Variants in TNKS2 observed in about 807,000 individuals in gnomAD.
The protein encoded by TNKS2 is poly [ADP-ribose] polymerase tankyrase-2.
A neutral mutation model predicts 137.6 loss-of-function variants in TNKS2; 72 were observed. The observed-to-expected ratio is 0.52, with a 90% CI of 0.43 to 0.64. TNKS2 has a LOEUF of 0.64. TNKS2 is among the 30% of genes least tolerant of loss of function. The pLI is 0.00. For synonymous variants in TNKS2, 516 were observed against 512.1 expected (o/e 1.01, Z -0.10); for missense variants, 1,049 against 1,410.2 (o/e 0.74, Z 4.10).
chr10:91,853,970 T>C (rs1385480771), intron 21 of TNKS2, among the ~76,000 whole-genome samples: 1 of 152,218 alleles, frequency 6.6e-6, no homozygotes, highest in African/African-American at 2.4e-5. Flanking sequence ...CCAAAGGAAT[T>C]AGAAAATTCT....
chr10:91,819,864 T>G lies in TNKS2; in HGVS notation c.634-75T>G, dbSNP rs767585818. On this transcript the variant is annotated intron_variant, in intron 5 of 26. Transcript: ENST00000371627. ...ATAATTGGATTTTCTGGTTTTATAT[T>G]TGGGTTTTTTCCCTCTCACACATTT... 1.9e-4 allele frequency: 231 copies of G among 1,203,028 alleles called. 1 individual carries two copies. In the South Asian group the frequency reaches 2.4e-3, roughly 12 times the overall value. The allele number at this position is 1,203,028 out of a possible 1,614,324, so 74.5% of individuals were successfully genotyped here. A position where few individuals can be genotyped will look rare whatever the true frequency, so the allele number is the denominator to read the frequency against.
chr10:91,837,741 TC>T (rs1198232629), intron 13 of TNKS2, among the ~76,000 whole-genome samples: 1 of 152,208 alleles, frequency 6.6e-6, no homozygotes, highest in African/African-American at 2.4e-5. Flanking sequence ...GCACCTGTAA[TC>T]CCAGGTACTT....
intron 11 of TNKS2, among the ~76,000 whole-genome samples, chr10:91,831,935 A>G (rs1160660618): frequency 1.3e-5 from 2 of 152,218 alleles, no homozygotes; most frequent in African/African-American, 2.4e-5. Flanking sequence ...TGTGCTGTAG[A>G]TGAAGGGAGA....
At chr10:91,803,267 C>G (rs992100750) in intron 1 of TNKS2, among the ~76,000 whole-genome samples, 7 of 152,178 alleles carry the variant, frequency 4.6e-5, no homozygotes, top group African/African-American at 1.4e-4. Flanking sequence ...AATCCCAGCA[C>G]TCTGGGAGGC....
chr10:91,848,526 C>G lies in TNKS2; in HGVS notation c.2502C>G (p.Ser834Arg). The G allele has an allele frequency of 6.2e-7, 1 of 1,614,138 alleles. No homozygotes were observed. The highest frequency in any genetic ancestry group is 8.5e-7 in the Non-Finnish European group (1 of 1,180,034). ...ALSSGPSSPSSLSAASSLDNL... is the reference protein window; with the variant it reads ...ALSSGPSSPSRLSAASSLDNL... ...CTTCAGGTCCATCTAGCCCATCAAG[C>G]CTTTCTGCAGCCAGCAGTCTTGACA... Residue 834 changes from serine to arginine, a missense_variant, in exon 19 of 27, where the codon AGC becomes AGG. Physicochemically the swap from Ser to Arg is moderately radical, Grantham distance 110. This residue lies in a region of TNKS2 where 208 missense variants were observed against 231.2 expected (regional missense o/e 0.90). Coordinates refer to ENST00000371627, the MANE Select transcript of TNKS2 (RefSeq NM_025235.4).
intron 7 of TNKS2, 124 bp downstream of exon 7, chr10:91,822,486 T>C: frequency 1.4e-6 from 1 of 712,218 alleles, no homozygotes; most frequent in East Asian, 2.7e-5. Context: ...TAGAAGTATT[T>C]ATAAGCATTA....
intron 12 of TNKS2, among the ~76,000 whole-genome samples, chr10:91,835,154 A>G (rs1841959514): frequency 6.6e-6 from 1 of 152,016 alleles, no homozygotes; most frequent in Admixed American, 6.6e-5. Context: ...TAAAAGTCTC[A>G]TCAGTGTAGC....
At position 91,820,075 on chromosome 10, in the gene TNKS2, C is replaced by T. The variant is rs373316295; in HGVS notation, c.728+42C>T. On this transcript the variant is annotated intron_variant, in intron 6 of 26. Coordinates refer to ENST00000371627, the MANE Select transcript of TNKS2 (RefSeq NM_025235.4). ...AAACAAGGACTTTTTAAATGTTACCCTCTTCTTAAAACAATCTTTGTAACC... is the reference window on the plus strand; with the variant it reads ...AAACAAGGACTTTTTAAATGTTACCTTCTTCTTAAAACAATCTTTGTAACC... 1.8e-3 allele frequency: 2,325 copies of T among 1,285,222 alleles called. 8 individuals are homozygous for T. The highest frequency in any genetic ancestry group is 2.2e-3 in the Non-Finnish European group (2,089 of 928,960). 79.6% of individuals were successfully genotyped at this position (1,285,222 alleles called of 1,614,324 possible). A position where few individuals can be genotyped will look rare whatever the true frequency, so the allele number is the denominator to read the frequency against.
At chr10:91,851,009 A>G (rs1450529233) in intron 20 of TNKS2, among the ~76,000 whole-genome samples, 1 of 152,344 alleles carries the variant, frequency 6.6e-6, no homozygotes, top group East Asian at 1.9e-4. Context: ...ATAAAATAGA[A>G]TACCTGAATG....
At position 91,857,538 on chromosome 10, in the gene TNKS2, T is replaced by A; in HGVS notation, c.3094+8T>A. 2 of 1,592,904 alleles carry A rather than the reference T, an allele frequency of 1.3e-6. No homozygotes were observed. The highest frequency in any genetic ancestry group is 1.1e-5 in the South Asian group (1 of 89,854). ...AACGAATGCTATTTCATGGTAAGAT[T>A]CCTCCCCACCAACTCTACCACTGTC... On this transcript the variant is annotated splice_region_variant and intron_variant, in intron 24 of 26. Coordinates refer to ENST00000371627, the MANE Select transcript of TNKS2 (RefSeq NM_025235.4).
At position 91,822,334 on chromosome 10, in the gene TNKS2, AT is replaced by A. The variant is rs1333439565; in HGVS notation, c.769del (p.Tyr257MetfsTer3). On this transcript the variant is annotated frameshift_variant, in exon 7 of 27. Transcript: ENST00000371627. LOFTEE classifies it high-confidence loss of function. Reference sequence around the variant, plus strand: ...TTACACAATGCCTGTTCTTATGGTCATTATGAAGTAACTGAACTTTTGGTCA... The same window carrying A: ...TTACACAATGCCTGTTCTTATGGTCATATGAAGTAACTGAACTTTTGGTCA... ...VPLHNACSYG[H>X]YEVTELLVKH... The A allele has an allele frequency of 2.5e-6, 4 of 1,613,548 alleles. No individual in the cohort carries two copies. Among genetic ancestry groups the A allele is most frequent in the Non-Finnish European group, 3.4e-6 (4 of 1,179,740 alleles).
intron 1 of TNKS2, among the ~76,000 whole-genome samples, chr10:91,808,842 T>C (rs558855346): frequency 4.6e-5 from 7 of 152,062 alleles, no homozygotes; most frequent in Non-Finnish European, 8.8e-5. Context: ...AGAAATTAGG[T>C]AGAGGAAGCA....
chr10:91,845,081 C>CAGT, intron 17 of TNKS2, 53 bp downstream of exon 17: 1 of 1,110,374 alleles, frequency 9.0e-7, no homozygotes, highest in South Asian at 1.3e-5. Flanking sequence ...AAGTGAAAGT[C>CAGT]AGTATTGCAG....
At chr10:91,819,057 C>CT (rs901236615) in intron 3 of TNKS2, among the ~76,000 whole-genome samples, 5 of 150,952 alleles carry the variant, frequency 3.3e-5, no homozygotes, top group Admixed American at 2.6e-4. Context: ...AAAATAGAAT[C>CT]TTTTTTTTTA....
At chr10:91,819,217 C>G in intron 3 of TNKS2, 53 bp from the exon 4 acceptor site, 7 of 1,103,754 alleles carry the variant, frequency 6.3e-6, no homozygotes. Flanking sequence ...TTGCATAAAA[C>G]TCATTAATTT....
At chr10:91,859,970 ACT>A (rs1477329936) in intron 25 of TNKS2, among the ~76,000 whole-genome samples, 1 of 152,032 alleles carries the variant, frequency 6.6e-6, no homozygotes, top group African/African-American at 2.4e-5. Context: ...GACTCTGTGG[ACT>A]CTAAAAATCT....
intron 24 of TNKS2, among the ~76,000 whole-genome samples, chr10:91,859,015 A>T (rs570757995): frequency 2.0e-5 from 3 of 152,244 alleles, no homozygotes; most frequent in Admixed American, 6.5e-5. Context: ...TCTCAAAAAA[A>T]TTTAAAAAAA....
intron 11 of TNKS2, among the ~76,000 whole-genome samples, 189 bp from the exon 12 acceptor site, chr10:91,833,658 CTTCCTT>C (rs1179738452): frequency 6.6e-6 from 1 of 152,108 alleles, no homozygotes; most frequent in Non-Finnish European, 1.5e-5. Context: ...AAAATTGAGT[CTTCCTT>C]CTGATGGTAG....
rs1842352422 is a variant in TNKS2 at position 91,845,746 on chromosome 10, T to G, written c.2170-6T>G. On this transcript the variant is annotated splice_polypyrimidine_tract_variant and splice_region_variant and intron_variant, in intron 17 of 26. Transcript: ENST00000371627. Reference sequence around the variant, plus strand: ...TTCAGACTGTAACGGGTATTTTCTTTTACAGCATGTAGATGTAGCAGCTCT... The same window carrying G: ...TTCAGACTGTAACGGGTATTTTCTTGTACAGCATGTAGATGTAGCAGCTCT... 2 of 1,503,710 alleles carry G rather than the reference T, an allele frequency of 1.3e-6. No individual in the cohort carries two copies. The highest frequency in any genetic ancestry group is 2.8e-5 in the African/African-American group (2 of 72,406). The allele number at this position is 1,503,710 out of a possible 1,614,324, so 93.1% of individuals were successfully genotyped here.
Sources: gnomAD v4.1 joint callset for allele counts (sites outside exome capture counted in the v4.1 genomes callset) on GRCh38, gnomAD v4.1.1 for gene constraint, gnomAD v4.1.1 regional missense constraint, MANE v1.5 for transcripts, NCBI Gene and HGNC (gene_info 2026-07-23, HGNC 2026-07-21) for gene names.